TNRC6A: variants seen among roughly 807,000 people sequenced by gnomAD.
TNRC6A encodes trinucleotide repeat-containing gene 6A protein.
TNRC6A carries 44 observed loss-of-function variants against 221.2 expected under a neutral mutation model. The observed-to-expected ratio is 0.20, with a 90% confidence interval of 0.16 to 0.26. TNRC6A has a LOEUF of 0.26. Among genes scored for constraint, TNRC6A ranks in the 10% least tolerant of loss-of-function variants. The pLI is 1.00. For missense variants in TNRC6A, 2,199 were observed against 2,404.4 expected (o/e 0.91, Z 1.79); for synonymous variants, 847 against 838.5 (o/e 1.01, Z -0.18).
At position 24,823,095 on chromosome 16, in the gene TNRC6A, G is replaced by A; in HGVS notation, c.5513+82G>A. 2 of 1,584,466 alleles carry A rather than the reference G, an allele frequency of 1.3e-6. No homozygotes were observed. The highest frequency in any genetic ancestry group is 1.7e-6 in the Non-Finnish European group (2 of 1,159,456). On this transcript the variant is annotated intron_variant, in intron 24 of 24. Coordinates refer to ENST00000395799, the MANE Select transcript of TNRC6A (RefSeq NM_014494.4). This position sits in a 1 kb window ranked among gnomAD's most constrained non-coding sequence, Gnocchi z 4.3. ...ACAGCCTGACCCGGGGCAGTGCACA[G>A]GGTCCTGCGTGGGTGGCTCCTGCTG...
At position 24,791,005 on chromosome 16, in the gene TNRC6A, C is replaced by T. The variant is rs1169974791; in HGVS notation, c.2363C>T (p.Pro788Leu). The change falls in exon 6 of 25, where the codon CCT (proline) becomes CTT (leucine). Residue 788 changes from proline to leucine, a missense_variant. Physicochemically the swap from Pro to Leu is moderately conservative, Grantham distance 98 (BLOSUM62 -3). Transcript: ENST00000395799. ...SSVSGWGDPKPALRWGDSKGS... is the reference protein window; with the variant it reads ...SSVSGWGDPKLALRWGDSKGS... Reference sequence around the variant, plus strand: ...GTATCAGGGTGGGGCGATCCCAAACCTGCTCTGAGGTGGGGAGATTCCAAA... The same window carrying T: ...GTATCAGGGTGGGGCGATCCCAAACTTGCTCTGAGGTGGGGAGATTCCAAA... The T allele has an allele frequency of 4.4e-6, 7 of 1,593,606 alleles. No individual in the cohort carries two copies.
At chr16:24,702,228 A>T (rs1227028528) in intron 2 of TNRC6A, among the ~76,000 whole-genome samples, 2 of 134,188 alleles carry the variant, frequency 1.5e-5, no homozygotes, top group Non-Finnish European at 3.0e-5. Flanking sequence ...CCCAGGCTGG[A>T]GTGCAATGGC....
At chr16:24,816,647 G>C (rs572856473) in intron 19 of TNRC6A, 169 bp from the exon 20 acceptor site, 2 of 778,186 alleles carry the variant, frequency 2.6e-6, no homozygotes, top group East Asian at 5.7e-5. Context: ...ATAAAGAATA[G>C]CTTCTATAAT....
At chr16:24,726,570 C>T (rs2056496403), upstream of TNRC6A, among the ~76,000 whole-genome samples, 1 of 151,990 alleles carries the variant, frequency 6.6e-6, no homozygotes, top group Non-Finnish European at 1.5e-5. Flanking sequence ...AGCAGTTTTG[C>T]AGGAGGGATG....
intron 2 of TNRC6A, among the ~76,000 whole-genome samples, chr16:24,720,684 T>G (rs1596544468): frequency 9.2e-6 from 1 of 108,174 alleles, no homozygotes; most frequent in Non-Finnish European, 1.8e-5. Flanking sequence ...AGAGCAAAAC[T>G]TCATCTCAAA....
rs528068940 is a variant in TNRC6A at position 24,680,940 on chromosome 16, AT to A, written n.402+39941del. ...ACACTCGGCTAATTAAAAAAAAAAAATTTTTTTTTTGAGAGACTAGGTCTCA... is the reference window on the plus strand; with the variant it reads ...ACACTCGGCTAATTAAAAAAAAAAAATTTTTTTTTGAGAGACTAGGTCTCA... On this transcript the variant is annotated intron_variant and non_coding_transcript_variant, in intron 2 of 2. Transcript: ENST00000566108. Among the ~76,000 whole-genome samples, 121 of 148,690 alleles carry A rather than the reference AT, an allele frequency of 8.1e-4. No individual in the cohort carries two copies. The East Asian group carries it at 0.019, about 23-fold the overall frequency.
At chr16:24,683,803 C>A (rs931721641) in intron 2 of TNRC6A, among the ~76,000 whole-genome samples, 3 of 152,168 alleles carry the variant, frequency 2.0e-5, no homozygotes, top group Middle Eastern at 3.2e-3. Flanking sequence ...GAGTGCCCTG[C>A]ACCTAGTGAG....
At chr16:24,659,588 G>A (rs532996450) in intron 2 of TNRC6A, among the ~76,000 whole-genome samples, 24 of 152,112 alleles carry the variant, frequency 1.6e-4, no homozygotes, top group African/African-American at 5.8e-4. Context: ...AACTACAGGT[G>A]TGCACCACTA....
At chr16:24,816,576 G>T (rs1385231288) in intron 19 of TNRC6A, 1 of 463,386 alleles carries the variant, frequency 2.2e-6, no homozygotes, top group African/African-American at 2.0e-5. Context: ...ACGTGTGTGT[G>T]TGGGTATGTA....
At chr16:24,797,430 A>G in intron 9 of TNRC6A, 60 bp from the exon 10 acceptor site, 1 of 1,272,348 alleles carries the variant, frequency 7.9e-7, no homozygotes, top group Non-Finnish European at 1.1e-6. Flanking sequence ...TTAATCCGTC[A>G]CTATACCCAG....
intron 4 of TNRC6A, among the ~76,000 whole-genome samples, chr16:24,769,665 GTT>G (rs2057549881): frequency 6.6e-6 from 1 of 152,106 alleles, no homozygotes; most frequent in Non-Finnish European, 1.5e-5. Context: ...AGCTGTAGGT[GTT>G]TTTTAGAGCA....
At chr16:24,677,406 G>A (rs1241782415) in intron 2 of TNRC6A, among the ~76,000 whole-genome samples, 4 of 151,946 alleles carry the variant, frequency 2.6e-5, no homozygotes, top group Admixed American at 6.6e-5. Flanking sequence ...CAAGTGATCC[G>A]CCCACCTTGG....
chr16:24,708,350 C>T (rs1020218952), intron 2 of TNRC6A, among the ~76,000 whole-genome samples: 5 of 151,864 alleles, frequency 3.3e-5, no homozygotes, highest in Admixed American at 1.3e-4. Context: ...ACGCCATTCT[C>T]AGGCCTCAGC....
intron 17 of TNRC6A, among the ~76,000 whole-genome samples, chr16:24,807,632 TCCCCA>T (rs2058461824): frequency 6.6e-6 from 1 of 151,480 alleles, no homozygotes; most frequent in African/African-American, 2.4e-5. Flanking sequence ...TACATGCAAC[TCCCCA>T]CCCCCACCCA....
intron 2 of TNRC6A, among the ~76,000 whole-genome samples, chr16:24,685,020 C>T (rs1753091736): frequency 6.6e-6 from 1 of 152,270 alleles, no homozygotes; most frequent in Admixed American, 6.5e-5. Flanking sequence ...TTGGGAACTT[C>T]AGCCCCTCTG....
At position 24,729,682 on chromosome 16, in the gene TNRC6A, TGTCGGCGGCGGCGGC is replaced by T. The variant is rs2056565506; in HGVS notation, c.-158_-144del. On this transcript the variant is annotated 5_prime_UTR_variant, in exon 1 of 25. Transcript: ENST00000395799. ...GGTCTGGGGCCTGCGGCGGCGGCGG[TGTCGGCGGCGGCGGC>T]GGCGGCGGCGGCGGCGGCGGCAGCG... 1.5e-5 allele frequency: 10 copies of T among 677,826 alleles called. 2 individuals are homozygous for T. Among genetic ancestry groups the T allele is most frequent in the Non-Finnish European group, 2.0e-5 (10 of 501,670 alleles). 42.0% of individuals were successfully genotyped at this position (677,826 alleles called of 1,614,324 possible). A position where few individuals can be genotyped will look rare whatever the true frequency, so the allele number is the denominator to read the frequency against.
At chr16:24,713,246 C>T (rs1156264329) in intron 2 of TNRC6A, among the ~76,000 whole-genome samples, 4 of 151,852 alleles carry the variant, frequency 2.6e-5, no homozygotes, top group East Asian at 1.9e-4. Flanking sequence ...GGCAAAACCC[C>T]GCCTCTACTA....
chr16:24,648,595 C>G (rs1902443409), intron 2 of TNRC6A, among the ~76,000 whole-genome samples: 1 of 152,144 alleles, frequency 6.6e-6, no homozygotes, highest in Admixed American at 6.6e-5. Context: ...ACAGTCCCAC[C>G]AGCAAGGCAC....
At chr16:24,813,671 A>T (rs1171825316) in intron 18 of TNRC6A, among the ~76,000 whole-genome samples, 1 of 152,062 alleles carries the variant, frequency 6.6e-6, no homozygotes, top group African/African-American at 2.4e-5. Context: ...CAGATACCCT[A>T]CCTCCAAGAC....
Sources: allele counts gnomAD v4.1 joint callset (sites outside exome capture counted in the v4.1 genomes callset), GRCh38; gene constraint gnomAD v4.1.1; non-coding constraint Gnocchi (gnomAD v3.1); transcripts MANE v1.5; gene names NCBI Gene and HGNC (gene_info 2026-07-23, HGNC 2026-07-21).